ECM2: variants seen among roughly 807,000 people sequenced by gnomAD.
ECM2 encodes extracellular matrix protein 2.
In ECM2, 57 loss-of-function variants were observed where a neutral mutation model predicts 67.5. That is an observed-to-expected ratio of 0.84 (90% CI 0.68 to 1.05). The LOEUF is 1.05. Ranked by LOEUF, ECM2 falls within the 50% of genes least tolerant of loss-of-function variation. The pLI is 0.00. For missense variants in ECM2, 741 were observed against 822.8 expected, an observed-to-expected ratio of 0.90 and a Z score of 1.22; for synonymous variants, 258 against 294.5, an observed-to-expected ratio of 0.88 and a Z score of 1.27.
intron 6 of ECM2, among the ~76,000 whole-genome samples, chr9:92,508,559 A>C (rs929748503): frequency 2.0e-5 from 3 of 152,244 alleles, no homozygotes; most frequent in Admixed American, 2.0e-4. Flanking sequence ...CTGTTAGTAC[A>C]GTTGTTCTAA....
chr9:92,542,707 A>G, the ECM2 span, among the ~76,000 whole-genome samples: 1 of 152,094 alleles, frequency 6.6e-6, no homozygotes, highest in African/African-American at 2.4e-5. Context: ...AGTAGAGACA[A>G]GGTTTCAGCA....
At chr9:92,534,118 CTCTTTAAAT>C (rs1849025234) in intron 1 of ECM2, among the ~76,000 whole-genome samples, 1 of 152,050 alleles carries the variant, frequency 6.6e-6, no homozygotes, top group Non-Finnish European at 1.5e-5. Flanking sequence ...TACATTTTTC[CTCTTTAAAT>C]TCATTTCTGT....
intron 1 of ECM2, among the ~76,000 whole-genome samples, chr9:92,534,501 T>A (rs961677522): frequency 1.3e-5 from 2 of 152,220 alleles, no homozygotes; most frequent in Non-Finnish European, 2.9e-5. Flanking sequence ...GCCACAGTCA[T>A]TTGAAAACCA....
At chr9:92,494,829 C>T (rs1373469821), downstream of ECM2, among the ~76,000 whole-genome samples, 1 of 152,088 alleles carries the variant, frequency 6.6e-6, no homozygotes, top group Admixed American at 6.6e-5. Flanking sequence ...ATCGCTTGAA[C>T]CCAGGAGGCA....
rs544614974 is a variant in ECM2 at position 92,512,082 on chromosome 9, G to C, written c.1099C>G (p.Pro367Ala). 1 of 1,613,796 alleles carries C rather than the reference G, an allele frequency of 6.2e-7. No individual in the cohort carries two copies. Among genetic ancestry groups the C allele is most frequent in the South Asian group, 1.1e-5 (1 of 91,030 alleles). The change falls in exon 5 of 10, where the codon CCA becomes GCA. Residue 367 changes from proline (P) to alanine (A), a missense_variant. Transcript: ENST00000344604. ...SIPDEAFNGL[P>A]NLERLDLSKN... ...CTCAGATCAAGCCTTTCCAAATTTG[G>C]TAATCCATTAAATGCTTCATCTGGG... is the stretch of plus-strand genomic sequence containing the variant.
At chr9:92,506,910 T>A (rs1345059291) in intron 6 of ECM2, among the ~76,000 whole-genome samples, 2 of 152,006 alleles carry the variant, frequency 1.3e-5, no homozygotes, top group African/African-American at 4.8e-5. Context: ...TTTTAAATTT[T>A]ATTTTATTTT....
chr9:92,533,329 ATATAT>A (rs1210507974), intron 1 of ECM2, among the ~76,000 whole-genome samples: 67 of 43,514 alleles, frequency 1.5e-3, no homozygotes, highest in East Asian at 5.8e-3. Context: ...AAAAAAAAAA[ATATAT>A]ATATATATAT....
chr9:92,500,329 C>G (rs1424450075), intron 9 of ECM2, among the ~76,000 whole-genome samples: 1 of 152,000 alleles, frequency 6.6e-6, no homozygotes, highest in South Asian at 2.1e-4. Context: ...ATTACAGACA[C>G]GCACCACCAC....
chr9:92,527,695 G>A (rs897422682), intron 1 of ECM2, among the ~76,000 whole-genome samples: 1 of 152,040 alleles, frequency 6.6e-6, no homozygotes, highest in Non-Finnish European at 1.5e-5. Flanking sequence ...CCACCCAAAT[G>A]TTTAGGAAAT....
chr9:92,538,605 G>C (rs565457581), upstream of ECM2, among the ~76,000 whole-genome samples: 5 of 152,196 alleles, frequency 3.3e-5, no homozygotes, highest in African/African-American at 9.6e-5. Context: ...AATTTCTGAG[G>C]TTCCTGCTCT....
rs1397928699 is a variant in ECM2 at position 92,495,781 on chromosome 9, G to A, written c.*534C>T. ...AATTTTACACATGTAATTAATGGAA[G>A]AAATGAAAGCTACCCCAATATTCAG... is the stretch of plus-strand genomic sequence containing the variant. On this transcript the variant is annotated 3_prime_UTR_variant, in exon 10 of 10. Coordinates refer to ENST00000344604, the MANE Select transcript of ECM2 (RefSeq NM_001393.4). The A allele has an allele frequency of 4.2e-6, 4 of 950,462 alleles. No individual in the cohort carries two copies. Among genetic ancestry groups the A allele is most frequent in the Non-Finnish European group, 5.0e-6 (4 of 798,350 alleles). 58.9% of individuals were successfully genotyped at this position (950,462 alleles called of 1,614,324 possible). A position where few individuals can be genotyped will look rare whatever the true frequency, so the allele number is the denominator to read the frequency against.
At chr9:92,545,171 C>T in the ECM2 span, among the ~76,000 whole-genome samples, 3 of 152,226 alleles carry the variant, frequency 2.0e-5, no homozygotes, top group African/African-American at 7.2e-5. Context: ...TCAGCCCACG[C>T]TGTGCTGTGG....
chr9:92,549,464 T>C, the ECM2 span, among the ~76,000 whole-genome samples: 2 of 152,104 alleles, frequency 1.3e-5, no homozygotes, highest in Non-Finnish European at 2.9e-5. Flanking sequence ...CTGGCCAATG[T>C]GGTGAAACAC....
At chr9:92,545,301 G>C in the ECM2 span, among the ~76,000 whole-genome samples, 1 of 152,194 alleles carries the variant, frequency 6.6e-6, no homozygotes, top group South Asian at 2.1e-4. Context: ...CCAGGGCTGC[G>C]TGTGGCACTT....
chr9:92,529,158 AAG>A (rs1211189101), intron 1 of ECM2, among the ~76,000 whole-genome samples: 4 of 152,244 alleles, frequency 2.6e-5, no homozygotes, highest in Admixed American at 6.5e-5. Flanking sequence ...AAACTGCAAA[AAG>A]AAATAGACAA....
rs114189334 is a variant in ECM2 at position 92,527,541 on chromosome 9, T to C, written c.-27-4648A>G. 1.7e-3 allele frequency among the ~76,000 whole-genome samples: 252 copies of C among 152,310 alleles called. 1 individual carries two copies. Among genetic ancestry groups the C allele is most frequent in the African/African-American group, 5.6e-3 (233 of 41,574 alleles). ...TGTATCCTTGTCGCTAAGTGACATA[T>C]GACTGTAATTTGTTGATATCCAGAT... On this transcript the variant is annotated intron_variant, in intron 1 of 9. Coordinates refer to ENST00000344604, the MANE Select transcript of ECM2 (RefSeq NM_001393.4).
chr9:92,497,065 TA>T (rs1010174468), intron 9 of ECM2, among the ~76,000 whole-genome samples: 3 of 152,088 alleles, frequency 2.0e-5, no homozygotes, highest in Non-Finnish European at 4.4e-5. Context: ...CAATATCTAG[TA>T]AAATTACATA....
the ECM2 span, among the ~76,000 whole-genome samples, chr9:92,555,945 G>A: frequency 1.8e-4 from 28 of 151,950 alleles, no homozygotes; most frequent in South Asian, 2.3e-3. Context: ...TCTGTGTTTC[G>A]TTTGTTCTTG....
downstream of ECM2, chr9:92,494,064 G>T: frequency 1.9e-6 from 3 of 1,596,510 alleles, no homozygotes; most frequent in South Asian, 3.3e-5. Flanking sequence ...TTGTCTGTTT[G>T]ATTTCCTGCT....
Sources: gnomAD v4.1 joint callset for allele counts (sites outside exome capture counted in the v4.1 genomes callset) on GRCh38, gnomAD v4.1.1 for gene constraint, MANE v1.5 for transcripts, NCBI Gene and HGNC (gene_info 2026-07-23, HGNC 2026-07-21) for gene names.